HS3ST3B1: variants seen among roughly 807,000 people sequenced by gnomAD.
HS3ST3B1 encodes heparan sulfate-glucosamine 3-sulfotransferase 3B1.
HS3ST3B1 carries 13 observed loss-of-function variants against 21.3 expected under a neutral mutation model. The observed-to-expected ratio is 0.61, with a 90% CI of 0.40 to 0.97. HS3ST3B1 has a LOEUF of 0.97. Ranked by LOEUF, HS3ST3B1 falls within the 50% of genes least tolerant of loss-of-function variation. The pLI, the probability that HS3ST3B1 is intolerant of heterozygous loss-of-function variation, is 0.00. For synonymous variants in HS3ST3B1, 234 were observed against 254.8 expected (o/e 0.92, Z 0.78); for missense variants, 459 against 554.8 (o/e 0.83, Z 1.73).
chr17:14,323,185 C>T (rs756686925), intron 1 of HS3ST3B1, among the ~76,000 whole-genome samples: 2 of 152,048 alleles, frequency 1.3e-5, no homozygotes, highest in Non-Finnish European at 2.9e-5. Context: ...GGATTACAGG[C>T]GTGAGCCACC....
At chr17:14,325,593 G>C (rs1909785264) in intron 1 of HS3ST3B1, among the ~76,000 whole-genome samples, 1 of 152,176 alleles carries the variant, frequency 6.6e-6, no homozygotes, top group Admixed American at 6.5e-5. Context: ...GCAATAAAAG[G>C]CTGGAGTCAG....
At chr17:14,335,240 A>C (rs1910151491) in intron 1 of HS3ST3B1, among the ~76,000 whole-genome samples, 1 of 152,184 alleles carries the variant, frequency 6.6e-6, no homozygotes, top group African/African-American at 2.4e-5. Context: ...AGTTTATCAG[A>C]ATGGGCAAAA....
At position 14,343,378 on chromosome 17, in the gene HS3ST3B1, T is replaced by C. The variant is rs1035753342; in HGVS notation, c.555-1650T>C. On this transcript the variant is annotated intron_variant, in intron 1 of 1. Transcript: ENST00000360954. ...TGAAGAAGATTTGAAATACACAACATATTATTATTAACTGTGGTCACTGTG... is the reference window on the plus strand; with the variant it reads ...TGAAGAAGATTTGAAATACACAACACATTATTATTAACTGTGGTCACTGTG... Among the ~76,000 whole-genome samples, 3 of 152,166 alleles carry C rather than the reference T, an allele frequency of 2.0e-5. No individual in the cohort carries two copies. The East Asian group carries it at 5.8e-4, about 29-fold the overall frequency.
At position 14,311,818 on chromosome 17, in the gene HS3ST3B1, T is replaced by C. The variant is rs559453879; in HGVS notation, c.554+9746T>C. Among the ~76,000 whole-genome samples the C allele has an allele frequency of 7.2e-5, 11 of 152,206 alleles. No individual in the cohort carries two copies. The East Asian group carries it at 2.1e-3, about 29-fold the overall frequency. Reference sequence around the variant, plus strand: ...GTAATCCCAGGTATGCATCAACTTGTATGCATCGTTTCTCTGCAGGGCCTC... The same window carrying C: ...GTAATCCCAGGTATGCATCAACTTGCATGCATCGTTTCTCTGCAGGGCCTC... On this transcript the variant is annotated intron_variant, in intron 1 of 1. Transcript: ENST00000360954.
chr17:14,329,315 G>GAGAAAGAAAGAAAGAAAGAAAGAAAGAA (rs1555549452), intron 1 of HS3ST3B1: 3 of 94,696 alleles, frequency 3.2e-5, no homozygotes, highest in Non-Finnish European at 6.1e-5. Context: ...GAGAGAAAGA[G>GAGAAAGAAAGAAAGAAAGAAAGAAAGAA]AGAAAGAAAG....
At chr17:14,318,661 C>T (rs1406713825) in intron 1 of HS3ST3B1, among the ~76,000 whole-genome samples, 3 of 152,166 alleles carry the variant, frequency 2.0e-5, no homozygotes, top group African/African-American at 4.8e-5. Flanking sequence ...GAGGTAGACT[C>T]AAGAGGGCAC....
At chr17:14,337,332 A>ATTTT (rs35942275) in intron 1 of HS3ST3B1, among the ~76,000 whole-genome samples, 3,256 of 143,444 alleles carry the variant, frequency 0.023, 85 homozygotes, top group African/African-American at 0.052. Context: ...TCCTGATTGG[A>ATTTT]TTTTTTTTTT....
Position 14,301,693 on chromosome 17 carries a change from C to G in HS3ST3B1, c.175C>G (p.Pro59Ala). 1 of 1,601,390 alleles carries G rather than the reference C, an allele frequency of 6.2e-7. No homozygotes were observed. Among genetic ancestry groups the G allele is most frequent in the Non-Finnish European group, 8.5e-7 (1 of 1,176,032 alleles). The change falls in exon 1 of 2, where the codon CCG becomes GCG. Residue 59 changes from proline to alanine, a missense_variant. Coordinates refer to ENST00000360954, the MANE Select transcript of HS3ST3B1 (RefSeq NM_006041.3). ...GTGCGCCGGCTCCTGCGCCGCCGCGCCGGGGCTGCTGCTCCTGGGCTCTGG... is the reference window on the plus strand; with the variant it reads ...GTGCGCCGGCTCCTGCGCCGCCGCGGCGGGGCTGCTGCTCCTGGGCTCTGG... ...YSCAGSCAAA[P>A]GLLLLGSGSR...
At chr17:14,306,843 C>G (rs2142323851) in intron 1 of HS3ST3B1, among the ~76,000 whole-genome samples, 1 of 146,964 alleles carries the variant, frequency 6.8e-6, no homozygotes, top group East Asian at 2.0e-4. Context: ...AAAAAAAAAT[C>G]TACATTTGTA....
chr17:14,327,171 G>A (rs1054568030), intron 1 of HS3ST3B1, among the ~76,000 whole-genome samples: 1 of 152,092 alleles, frequency 6.6e-6, no homozygotes, highest in African/African-American at 2.4e-5. Context: ...AGTTGAATTC[G>A]AGTTTCCTTT....
intron 1 of HS3ST3B1, among the ~76,000 whole-genome samples, chr17:14,326,984 C>T (rs908124548): frequency 3.0e-4 from 44 of 147,464 alleles, no homozygotes; most frequent in African/African-American, 1.1e-3. Flanking sequence ...CCGAGCACAA[C>T]TTCTGGGTGC....
At chr17:14,316,063 C>A (rs1243607471) in intron 1 of HS3ST3B1, among the ~76,000 whole-genome samples, 1 of 152,152 alleles carries the variant, frequency 6.6e-6, no homozygotes, top group Non-Finnish European at 1.5e-5. Flanking sequence ...ATTCGCCAAA[C>A]ATGTTTCTGA....
chr17:14,336,504 A>G (rs1226437767), intron 1 of HS3ST3B1, among the ~76,000 whole-genome samples: 1 of 152,154 alleles, frequency 6.6e-6, no homozygotes, highest in African/African-American at 2.4e-5. Context: ...TAGCTGCAGT[A>G]TTTAAGAGCC....
chr17:14,339,872 T>C (rs2142352041), intron 1 of HS3ST3B1, among the ~76,000 whole-genome samples: 1 of 152,284 alleles, frequency 6.6e-6, no homozygotes, highest in South Asian at 2.1e-4. Flanking sequence ...CATCCTTTCT[T>C]CTGTGTGCCA....
rs60297649 is a variant in HS3ST3B1 at position 14,311,222 on chromosome 17, C to T, written c.554+9150C>T. On this transcript the variant is annotated intron_variant, in intron 1 of 1. Coordinates refer to ENST00000360954, the MANE Select transcript of HS3ST3B1 (RefSeq NM_006041.3). ...TAGCAGGGACTACAGGTGCACACCA[C>T]CATGCCTGGCTAATTAAAAAAAAAA... 4.5e-3 allele frequency among the ~76,000 whole-genome samples: 623 copies of T among 139,972 alleles called. 3 individuals are homozygous for T. The highest frequency in any genetic ancestry group is 0.015 in the African/African-American group (596 of 38,526). The allele number at this position is 139,972 out of a possible 152,430, so 91.8% of individuals were successfully genotyped here. A position where few individuals can be genotyped will look rare whatever the true frequency, so the allele number is the denominator to read the frequency against.
At chr17:14,324,256 T>A (rs774240179) in intron 1 of HS3ST3B1, among the ~76,000 whole-genome samples, 2 of 152,224 alleles carry the variant, frequency 1.3e-5, no homozygotes, top group Non-Finnish European at 2.9e-5. Context: ...CAAAACTTCC[T>A]GGGTTACTGC....
At position 14,303,881 on chromosome 17, in the gene HS3ST3B1, T is replaced by C. The variant is rs544735249; in HGVS notation, c.554+1809T>C. On this transcript the variant is annotated intron_variant, in intron 1 of 1. Transcript: ENST00000360954. This position sits in a 1 kb window ranked among gnomAD's most constrained non-coding sequence, Gnocchi z 5.7. ...GAGATCAGACACACTTGGGCCGGGT[T>C]GGGAGGAACTGGCAGGAAAAGGACT... 2 of 152,352 alleles carry C rather than the reference T, an allele frequency of 1.3e-5. No homozygotes were observed. The highest frequency in any genetic ancestry group is 3.9e-4 in the East Asian group (2 of 5,154). The allele number at this position is 152,352 out of a possible 1,614,324, so 9.4% of individuals were successfully genotyped here. A position where few individuals can be genotyped will look rare whatever the true frequency, so the allele number is the denominator to read the frequency against.
At chr17:14,334,053 G>A (rs531951062) in intron 1 of HS3ST3B1, among the ~76,000 whole-genome samples, 2 of 152,184 alleles carry the variant, frequency 1.3e-5, no homozygotes, top group Non-Finnish European at 1.5e-5. Context: ...GAGCCACCGC[G>A]CCCGGCCAAG....
Position 14,313,731 on chromosome 17 carries a change from C to G in HS3ST3B1, c.554+11659C>G, listed in dbSNP as rs562454443. 1.1e-3 allele frequency among the ~76,000 whole-genome samples: 174 copies of G among 151,748 alleles called. 1 individual carries two copies. Among genetic ancestry groups the G allele is most frequent in the Non-Finnish European group, 1.9e-3 (132 of 67,918 alleles). ...GATTACAGGCATGCGCCACCACACA[C>G]GGCTAATTTTGTATTTTTAGTAGAG... On this transcript the variant is annotated intron_variant, in intron 1 of 1. Transcript: ENST00000360954.
Sources: gnomAD v4.1 joint callset for allele counts (sites outside exome capture counted in the v4.1 genomes callset) on GRCh38, gnomAD v4.1.1 for gene constraint, Gnocchi (gnomAD v3.1) non-coding constraint, MANE v1.5 for transcripts, NCBI Gene and HGNC (gene_info 2026-07-23, HGNC 2026-07-21) for gene names.